The following CCDC28A variants were observed in gnomAD, a reference collection of about 807,000 sequenced individuals.
CCDC28A encodes coiled-coil domain-containing protein 28A.
A neutral mutation model predicts 22.1 loss-of-function variants in CCDC28A; 24 were observed. That is an observed-to-expected ratio of 1.09 (90% CI 0.79 to 1.53). The LOEUF (loss-of-function observed/expected upper bound fraction) is 1.53, where lower values mean the gene tolerates loss of function less well. CCDC28A is among the 40% of genes most tolerant of loss of function. The pLI, the probability that CCDC28A is intolerant of heterozygous loss-of-function variation, is 0.00. For missense variants in CCDC28A, 170 were observed against 210.7 expected (o/e 0.81, Z 1.20); for synonymous variants, 83 against 74.7 (o/e 1.11, Z -0.57).
At chr6:138,777,866 T>C (rs547904619) in intron 2 of CCDC28A, among the ~76,000 whole-genome samples, 1 of 152,324 alleles carries the variant, frequency 6.6e-6, no homozygotes, top group African/African-American at 2.4e-5. Context: ...TACTCTGTAA[T>C]AGTTTATCTC....
Position 138,785,257 on chromosome 6 carries a change from A to G in CCDC28A, c.353A>G (p.His118Arg), listed in dbSNP as rs1189338043. ...GNECSIEQME[H>R]VRGMQEKLAR... ...GAATGTTCCATTGAACAGATGGAAC[A>G]TGTTCGGGGAATGCAGGAGAAATTA... Residue 118 changes from histidine to arginine, a missense_variant, in exon 4 of 6, where the codon CAT (histidine) becomes CGT (arginine). By Grantham distance (29) the His-to-Arg change is conservative (BLOSUM62 0). Coordinates refer to ENST00000617445, the MANE Select transcript of CCDC28A (RefSeq NM_015439.3). 5 of 1,613,520 alleles carry G rather than the reference A, an allele frequency of 3.1e-6. No individual in the cohort carries two copies. The highest frequency in any genetic ancestry group is 4.2e-6 in the Non-Finnish European group (5 of 1,179,590).
intron 2 of CCDC28A, among the ~76,000 whole-genome samples, chr6:138,779,127 C>G (rs1196290792): frequency 6.6e-6 from 1 of 152,078 alleles, no homozygotes; most frequent in African/African-American, 2.4e-5. Context: ...TGGAAATGGA[C>G]TTGGCTGCCC....
At chr6:138,784,422 C>G (rs933810441) in intron 3 of CCDC28A, among the ~76,000 whole-genome samples, 10 of 149,518 alleles carry the variant, frequency 6.7e-5, no homozygotes, top group African/African-American at 2.5e-4. Context: ...TTGAACACAG[C>G]TCACTGCAAC....
Position 138,784,351 on chromosome 6 carries a change from TTC to T in CCDC28A, c.323-874_323-873del, listed in dbSNP as rs201724773. Among the ~76,000 whole-genome samples, 55 of 104,538 alleles carry T rather than the reference TTC, an allele frequency of 5.3e-4. 3 individuals are homozygous for T. Among genetic ancestry groups the T allele is most frequent in the East Asian group, 1.3e-3 (3 of 2,388 alleles). The allele number at this position is 104,538 out of a possible 152,430, so 68.6% of individuals were successfully genotyped here. A position where few individuals can be genotyped will look rare whatever the true frequency, so the allele number is the denominator to read the frequency against. On this transcript the variant is annotated intron_variant, in intron 3 of 5. Transcript: ENST00000617445. ...TAAGGGACGATTTTCTTTTCTCTTTTTCTTTTTTTTTTTTTTTGAGACAAGGT... is the reference window on the plus strand; with the variant it reads ...TAAGGGACGATTTTCTTTTCTCTTTTTTTTTTTTTTTTTTTGAGACAAGGT...
At chr6:138,779,709 TGACTC>T (rs1774988060) in intron 2 of CCDC28A, 108 bp from the exon 3 acceptor site, 1 of 738,848 alleles carries the variant, frequency 1.4e-6, no homozygotes, top group African/African-American at 1.8e-5. Flanking sequence ...TGTTTAGTAT[TGACTC>T]TATTTGATTT....
rs1775077645 is a variant in CCDC28A, at chr6:138,785,369, GCT to G, written c.466_467del (p.Leu156SerfsTer28). 3 of 1,606,618 alleles carry G rather than the reference GCT, an allele frequency of 1.9e-6. No homozygotes were observed. In the Middle Eastern group the frequency reaches 5.0e-4, roughly 267 times the overall value. On this transcript the variant is annotated frameshift_variant, in exon 4 of 6. Coordinates refer to ENST00000617445, the MANE Select transcript of CCDC28A (RefSeq NM_015439.3). LOFTEE classifies it high-confidence loss of function. ...CAGCCAGTGACTCCAATCTGGATAGGCTTCTGTCAGATGTAAGTGTAATTCTT... is the reference window on the plus strand; with the variant it reads ...CAGCCAGTGACTCCAATCTGGATAGGTCTGTCAGATGTAAGTGTAATTCTT... ...KTASDSNLDR[L>X]LSDLEELNSS...
At chr6:138,781,046 C>T (rs1369351917) in intron 3 of CCDC28A, among the ~76,000 whole-genome samples, 1 of 152,102 alleles carries the variant, frequency 6.6e-6, no homozygotes, top group Non-Finnish European at 1.5e-5. Context: ...TACTTAACTT[C>T]CCCATTCCCT....
intron 1 of CCDC28A, among the ~76,000 whole-genome samples, chr6:138,775,425 A>G (rs1480829799): frequency 6.6e-6 from 1 of 152,228 alleles, no homozygotes; most frequent in Non-Finnish European, 1.5e-5. Context: ...TTGTTTGGAA[A>G]TGGTTAGAGA....
At chr6:138,778,023 A>C (rs962691775) in intron 2 of CCDC28A, among the ~76,000 whole-genome samples, 1 of 152,296 alleles carries the variant, frequency 6.6e-6, no homozygotes, top group South Asian at 2.1e-4. Context: ...ACTTTGAGTA[A>C]CAAGGTATTA....
At position 138,785,319 on chromosome 6, in the gene CCDC28A, G is replaced by A. The variant is rs1271001996; in HGVS notation, c.415G>A (p.Glu139Lys). Residue 139 changes from glutamate to lysine, a missense_variant, in exon 4 of 6, where the codon GAA (glutamate) becomes AAA (lysine). Glu to Lys is a moderately conservative substitution (Grantham distance 56). Coordinates refer to ENST00000617445, the MANE Select transcript of CCDC28A (RefSeq NM_015439.3). ...TTTGGAGCTCTATGGGGAGTTAGAG[G>A]AACTTCCTGAGGATAAGAGAAAAAC... ...LNLELYGELE[E>K]LPEDKRKTAS... 6.2e-7 allele frequency: 1 copy of A among 1,613,320 alleles called. No homozygotes were observed. The highest frequency in any genetic ancestry group is 1.7e-5 in the Admixed American group (1 of 60,000).
chr6:138,777,992 A>G (rs1008314826), intron 2 of CCDC28A, among the ~76,000 whole-genome samples: 4 of 152,138 alleles, frequency 2.6e-5, no homozygotes, highest in African/African-American at 9.7e-5. Flanking sequence ...AGTGAGATTG[A>G]TTCTATGGGT....
chr6:138,782,963 C>G (rs1775041448), intron 3 of CCDC28A, among the ~76,000 whole-genome samples: 1 of 151,408 alleles, frequency 6.6e-6, no homozygotes, highest in Non-Finnish European at 1.5e-5. Flanking sequence ...TTAAAAAATT[C>G]TACTATCAAG....
At chr6:138,781,503 G>T (rs974833916) in intron 3 of CCDC28A, among the ~76,000 whole-genome samples, 1 of 152,220 alleles carries the variant, frequency 6.6e-6, no homozygotes, top group Admixed American at 6.5e-5. Flanking sequence ...TTTGCAAAAA[G>T]AACAATACCG....
At position 138,788,386 on chromosome 6, in the gene CCDC28A, CA is replaced by C; in HGVS notation, c.499del (p.Ile167TyrfsTer43). The C allele has an allele frequency of 7.9e-7, 1 of 1,260,364 alleles. No individual in the cohort carries two copies. Among genetic ancestry groups the C allele is most frequent in the Non-Finnish European group, 1.1e-6 (1 of 917,338 alleles). 78.1% of individuals were successfully genotyped at this position (1,260,364 alleles called of 1,614,324 possible). A position where few individuals can be genotyped will look rare whatever the true frequency, so the allele number is the denominator to read the frequency against. ...TACAGTTAGAAGAATTGAATTCTTCCATGTATCCTTTGTCTGCTATCAACAG... is the reference window on the plus strand; with the variant it reads ...TACAGTTAGAAGAATTGAATTCTTCCTGTATCCTTTGTCTGCTATCAACAG... ...LSDLEELNSS[I>X]QKLHLADAQD... On this transcript the variant is annotated frameshift_variant and splice_region_variant, in exon 5 of 6. Transcript: ENST00000617445. LOFTEE classifies it high-confidence loss of function.
intron 5 of CCDC28A, among the ~76,000 whole-genome samples, chr6:138,791,501 T>C (rs1329444464): frequency 6.6e-6 from 1 of 152,212 alleles, no homozygotes; most frequent in Non-Finnish European, 1.5e-5. Context: ...TTTTAAACCA[T>C]GTCAACTATT....
chr6:138,775,239 A>AT (rs923256486), intron 1 of CCDC28A, among the ~76,000 whole-genome samples: 3 of 152,178 alleles, frequency 2.0e-5, no homozygotes, highest in African/African-American at 7.2e-5. Flanking sequence ...CCGGAAGGGT[A>AT]TTTTTTAAAT....
Position 138,773,867 on chromosome 6 carries a change from G to A in CCDC28A, c.-78G>A, listed in dbSNP as rs1292187825. On this transcript the variant is annotated 5_prime_UTR_variant, in exon 1 of 6. Transcript: ENST00000617445. ...TTCTGAGGCTGTCGGGTCTTTGCGG[G>A]TTGCGGAAGGGGGCCCCAATACCCT... 1 of 1,613,856 alleles carries A rather than the reference G, an allele frequency of 6.2e-7. No individual in the cohort carries two copies. Among genetic ancestry groups the A allele is most frequent in the South Asian group, 1.1e-5 (1 of 91,078 alleles).
intron 2 of CCDC28A, among the ~76,000 whole-genome samples, chr6:138,778,190 T>C (rs1212365662): frequency 1.8e-4 from 28 of 152,236 alleles, no homozygotes; most frequent in Non-Finnish European, 2.4e-4. Context: ...ATATACCCTA[T>C]TTATCTTATT....
At chr6:138,782,254 C>A (rs1030564848) in intron 3 of CCDC28A, among the ~76,000 whole-genome samples, 2 of 152,116 alleles carry the variant, frequency 1.3e-5, no homozygotes, top group African/African-American at 4.8e-5. Flanking sequence ...GATGAGAATT[C>A]CATTGCCAGT....
Sources: allele counts gnomAD v4.1 joint callset (sites outside exome capture counted in the v4.1 genomes callset), GRCh38; gene constraint gnomAD v4.1.1; transcripts MANE v1.5; gene names NCBI Gene and HGNC (gene_info 2026-07-23, HGNC 2026-07-21).